The following NT5DC1 variants were observed in gnomAD, a reference collection of about 807,000 sequenced individuals.
The protein encoded by NT5DC1 is 5'-nucleotidase domain-containing protein 1.
Under a neutral mutation model 59.4 loss-of-function variants are expected in NT5DC1, and 42 were observed. That is an observed-to-expected ratio of 0.71 (90% CI 0.55 to 0.92). NT5DC1 has a LOEUF of 0.92. NT5DC1 is among the 40% of genes least tolerant of loss of function. The pLI is 0.00. For synonymous variants in NT5DC1, 172 were observed against 188.1 expected (o/e 0.91, Z 0.70); for missense variants, 501 against 537.1 (o/e 0.93, Z 0.66).
chr6:116,101,065 A>G, intron 1 of NT5DC1, 42 bp downstream of exon 1: 1 of 1,392,800 alleles, frequency 7.2e-7, no homozygotes, highest in East Asian at 2.5e-5. Context: ...CGCAACCTCC[A>G]TGGCGGCTGG....
intron 4 of NT5DC1, among the ~76,000 whole-genome samples, chr6:116,111,826 A>G (rs78922739): frequency 0.053 from 8,048 of 152,286 alleles, 268 homozygotes; most frequent in South Asian, 0.085. Context: ...GGAGAAACTA[A>G]GATTTCACAC....
intron 11 of NT5DC1, among the ~76,000 whole-genome samples, chr6:116,241,690 G>C (rs1169502892): frequency 6.6e-6 from 1 of 152,156 alleles, no homozygotes; most frequent in African/African-American, 2.4e-5. Flanking sequence ...TTGGGAGGCC[G>C]AGGCGGGAGG....
At chr6:116,160,970 A>T (rs539440865) in intron 6 of NT5DC1, among the ~76,000 whole-genome samples, 38 of 152,206 alleles carry the variant, frequency 2.5e-4, no homozygotes, top group African/African-American at 9.2e-4. Flanking sequence ...GACTGGATTA[A>T]GAAAATGTGG....
chr6:116,180,880 C>A (rs966368683), intron 6 of NT5DC1, among the ~76,000 whole-genome samples: 2 of 151,974 alleles, frequency 1.3e-5, no homozygotes, highest in African/African-American at 4.8e-5. Flanking sequence ...TTTCAGTCAA[C>A]CAAACCAATT....
At chr6:116,126,482 A>G (rs1779315804) in intron 6 of NT5DC1, among the ~76,000 whole-genome samples, 1 of 152,150 alleles carries the variant, frequency 6.6e-6, no homozygotes, top group Non-Finnish European at 1.5e-5. Context: ...GATATTATAT[A>G]ATATGTGGTA....
chr6:116,178,138 C>T (rs1239746953), intron 6 of NT5DC1, among the ~76,000 whole-genome samples: 1 of 140,320 alleles, frequency 7.1e-6, no homozygotes, highest in Non-Finnish European at 1.5e-5. Context: ...TGTGTGTTTA[C>T]TAGTGGGACT....
chr6:116,228,799 A>G (rs1781955874), intron 8 of NT5DC1, among the ~76,000 whole-genome samples: 1 of 152,082 alleles, frequency 6.6e-6, no homozygotes, highest in South Asian at 2.1e-4. Context: ...TTCGTCAGCT[A>G]CCTCTAACTG....
intron 6 of NT5DC1, among the ~76,000 whole-genome samples, chr6:116,169,674 A>G (rs1780562187): frequency 6.6e-6 from 1 of 152,228 alleles, no homozygotes; most frequent in Admixed American, 6.5e-5. Flanking sequence ...ACAAATGGAT[A>G]AAACATGAGG....
At chr6:116,111,794 C>G (rs1219260309) in intron 4 of NT5DC1, among the ~76,000 whole-genome samples, 1 of 152,152 alleles carries the variant, frequency 6.6e-6, no homozygotes, top group Admixed American at 6.5e-5. Context: ...AGTATGAGTG[C>G]TCTTGATAAA....
At chr6:116,216,935 T>C (rs1781698402) in intron 6 of NT5DC1, among the ~76,000 whole-genome samples, 1 of 152,146 alleles carries the variant, frequency 6.6e-6, no homozygotes, top group African/African-American at 2.4e-5. Context: ...TATTTAAATC[T>C]CTTCTAAATT....
intron 6 of NT5DC1, among the ~76,000 whole-genome samples, chr6:116,141,144 A>T (rs1779754780): frequency 6.6e-6 from 1 of 152,004 alleles, no homozygotes; most frequent in Non-Finnish European, 1.5e-5. Flanking sequence ...GTCTCATTTT[A>T]TTGTATTTGT....
intron 6 of NT5DC1, among the ~76,000 whole-genome samples, chr6:116,126,828 A>T (rs190840685): frequency 1.2e-4 from 19 of 152,052 alleles, no homozygotes; most frequent in Non-Finnish European, 4.4e-5. Context: ...GGAGAAAAAA[A>T]TTTTCAAACT....
rs764774097 is a variant in NT5DC1 at position 116,120,587 on chromosome 6, G to C, written c.529+2642G>C. 4.4e-6 allele frequency: 7 copies of C among 1,591,026 alleles called. No individual in the cohort carries two copies. The South Asian group carries it at 5.7e-5, about 13-fold the overall frequency. On this transcript the variant is annotated intron_variant, in intron 6 of 11. Transcript: ENST00000319550. ...TTGACCTGGTGGGCCTGGAGGCCCA[G>C]GGGGCCCTGGAAGACCAGGCTCTCC...
At chr6:116,201,509 C>T (rs376641337) in intron 6 of NT5DC1, among the ~76,000 whole-genome samples, 3 of 151,924 alleles carry the variant, frequency 2.0e-5, no homozygotes, top group African/African-American at 4.8e-5. Context: ...GGGACTGCCT[C>T]GGTAATGCTT....
chr6:116,163,592 T>C (rs1393446535), intron 6 of NT5DC1, among the ~76,000 whole-genome samples: 2 of 152,180 alleles, frequency 1.3e-5, no homozygotes, highest in South Asian at 4.1e-4. Context: ...GTTGATCCCT[T>C]GTGTGATATT....
intron 6 of NT5DC1, among the ~76,000 whole-genome samples, chr6:116,193,820 T>A (rs1582866020): frequency 6.6e-6 from 1 of 151,904 alleles, no homozygotes; most frequent in Non-Finnish European, 1.5e-5. Flanking sequence ...CCTATAATCC[T>A]AGCACTTTGG....
intron 6 of NT5DC1, among the ~76,000 whole-genome samples, chr6:116,154,923 T>C (rs1223865272): frequency 6.6e-6 from 1 of 152,190 alleles, no homozygotes; most frequent in Non-Finnish European, 1.5e-5. Context: ...AAAAACATCA[T>C]TTAGGAGTTT....
chr6:116,237,090 TC>T lies in NT5DC1; in HGVS notation c.921+9del. ...CTGGCAAACCTGAACCCAAGGTATTTCCCAGTTGAGGAGAAGTCCTCAGTGC... is the reference window on the plus strand; with the variant it reads ...CTGGCAAACCTGAACCCAAGGTATTTCCAGTTGAGGAGAAGTCCTCAGTGC... On this transcript the variant is annotated splice_region_variant and intron_variant, in intron 9 of 11. Transcript: ENST00000319550. 6.4e-7 allele frequency: 1 copy of T among 1,565,416 alleles called. No homozygotes were observed. Among genetic ancestry groups the T allele is most frequent in the East Asian group, 2.2e-5 (1 of 44,668 alleles).
chr6:116,174,259 C>T (rs1240046874), intron 6 of NT5DC1, among the ~76,000 whole-genome samples: 1 of 152,134 alleles, frequency 6.6e-6, no homozygotes, highest in Non-Finnish European at 1.5e-5. Flanking sequence ...GTCACTAAGT[C>T]CAGCCCACTC....
Sources: allele counts gnomAD v4.1 joint callset (sites outside exome capture counted in the v4.1 genomes callset), GRCh38; gene constraint gnomAD v4.1.1; transcripts MANE v1.5; gene names NCBI Gene and HGNC (gene_info 2026-07-23, HGNC 2026-07-21).